Variants in SRD5A1 observed in about 807,000 individuals in gnomAD.
SRD5A1 encodes the protein steroid 5 alpha-reductase 1, also known as 3-oxo-5-alpha-steroid 4-dehydrogenase 1.
SRD5A1 carries 22 observed loss-of-function variants against 28.2 expected under a neutral mutation model. The ratio of observed to expected loss-of-function variants is 0.78; its 90% CI spans 0.56 to 1.12. The LOEUF (loss-of-function observed/expected upper bound fraction) is 1.12, where lower values mean the gene tolerates loss of function less well. Among genes scored for constraint, SRD5A1 ranks in the 50% most tolerant of loss-of-function variants. The probability of loss-of-function intolerance (pLI) is 0.00; values close to 1 mark genes in which losing one functional copy is unlikely to be tolerated. For missense variants in SRD5A1, 300 were observed against 346.7 expected (o/e 0.87, Z 1.07); for synonymous variants, 151 against 135.0 (o/e 1.12, Z -0.82).
intron 2 of SRD5A1, 151 bp from the exon 3 acceptor site, chr5:6,655,927 C>A: frequency 1.6e-6 from 1 of 622,488 alleles, no homozygotes; most frequent in Non-Finnish European, 2.8e-6. Flanking sequence ...GACAACAGTC[C>A]TTAATGGTTT....
chr5:6,642,949 A>G (rs1738407103), intron 1 of SRD5A1, among the ~76,000 whole-genome samples: 1 of 152,234 alleles, frequency 6.6e-6, no homozygotes, highest in South Asian at 2.1e-4. Context: ...TTAATCACAC[A>G]CAACAGATTT....
intron 3 of SRD5A1, among the ~76,000 whole-genome samples, chr5:6,659,314 C>A (rs967586044): frequency 1.3e-5 from 2 of 152,004 alleles, no homozygotes; most frequent in African/African-American, 4.8e-5. Context: ...GGGGTTTCAC[C>A]GTGTTAGCCA....
At chr5:6,656,214 T>C (rs756034735) in intron 3 of SRD5A1, 35 bp downstream of exon 3, 14 of 1,561,296 alleles carry the variant, frequency 9.0e-6, no homozygotes, top group Non-Finnish European at 1.2e-5. Flanking sequence ...CTGTGAAAGT[T>C]GCTTGCCATG....
chr5:6,638,277 C>T (rs1738257857), intron 1 of SRD5A1, among the ~76,000 whole-genome samples: 2 of 152,176 alleles, frequency 1.3e-5, no homozygotes, highest in Admixed American at 6.5e-5. Flanking sequence ...GGTGGAGGTG[C>T]AGTCCAGCCT....
At chr5:6,651,537 G>A (rs1738672135) in intron 1 of SRD5A1, among the ~76,000 whole-genome samples, 1 of 152,090 alleles carries the variant, frequency 6.6e-6, no homozygotes, top group Admixed American at 6.6e-5. Context: ...GCACATGCTT[G>A]TAGTCCCAGC....
At chr5:6,667,823 G>T (rs1739231426) in intron 4 of SRD5A1, among the ~76,000 whole-genome samples, 1 of 152,144 alleles carries the variant, frequency 6.6e-6, no homozygotes, top group African/African-American at 2.4e-5. Context: ...GGAGAAAACT[G>T]CTGGAGTCAC....
chr5:6,665,088 G>A (rs1216548490), intron 4 of SRD5A1, among the ~76,000 whole-genome samples: 1 of 152,266 alleles, frequency 6.6e-6, no homozygotes, highest in Non-Finnish European at 1.5e-5. Context: ...GTTGAGATGA[G>A]AAGGGGAAAC....
At chr5:6,663,865 A>C (rs144150702) in intron 4 of SRD5A1, among the ~76,000 whole-genome samples, 330 of 152,266 alleles carry the variant, frequency 2.2e-3, no homozygotes, top group African/African-American at 7.6e-3. Flanking sequence ...GTCTCAAAAA[A>C]AAAAGAAAAA....
chr5:6,633,869 G>C lies in SRD5A1; in HGVS notation c.293G>C (p.Arg98Pro). The C allele has an allele frequency of 1.3e-6, 2 of 1,596,866 alleles. No homozygotes were observed. Among genetic ancestry groups the C allele is most frequent in the Non-Finnish European group, 1.7e-6 (2 of 1,179,276 alleles). The change falls in exon 1 of 5, where the codon CGG (arginine) becomes CCG (proline). Residue 98 changes from arginine (R) to proline (P), a missense_variant and splice_region_variant. This residue lies in a region of SRD5A1 where 174 missense variants were observed against 160.9 expected (regional missense o/e 1.08). Transcript: ENST00000274192. ...ATGTTCCTCGTCCACTACGGGCATC[G>C]GTAACGTCCCCGGCCCCCGGCCCCC... ...LAMFLVHYGH[R>P]CLIYPFLMRG...
intron 3 of SRD5A1, among the ~76,000 whole-genome samples, chr5:6,659,329 G>T (rs1459823836): frequency 6.6e-6 from 1 of 151,920 alleles, no homozygotes; most frequent in Non-Finnish European, 1.5e-5. Flanking sequence ...TAGCCAGGAT[G>T]GTCTCGATCT....
chr5:6,664,061 C>T (rs1739090021), intron 4 of SRD5A1, among the ~76,000 whole-genome samples: 1 of 152,020 alleles, frequency 6.6e-6, no homozygotes, highest in Non-Finnish European at 1.5e-5. Context: ...GGCGCGTGTC[C>T]CTGACAATAA....
intron 2 of SRD5A1, among the ~76,000 whole-genome samples, chr5:6,655,631 A>T (rs532401934): frequency 1.3e-5 from 2 of 152,360 alleles, no homozygotes; most frequent in Non-Finnish European, 2.9e-5. Context: ...GGGGTGACGT[A>T]CAGCCAGTGG....
intron 4 of SRD5A1, 95 bp downstream of exon 4, chr5:6,663,061 GC>G: frequency 6.9e-7 from 1 of 1,450,546 alleles, no homozygotes; most frequent in Non-Finnish European, 9.4e-7. Context: ...AATTTAAATC[GC>G]TGAATTCCAG....
chr5:6,665,524 C>A (rs955830691), intron 4 of SRD5A1, among the ~76,000 whole-genome samples: 3 of 152,334 alleles, frequency 2.0e-5, no homozygotes, highest in Non-Finnish European at 2.9e-5. Flanking sequence ...AATATACATT[C>A]TACAATCTGA....
chr5:6,644,811 A>G (rs541661467), intron 1 of SRD5A1: 23 of 449,062 alleles, frequency 5.1e-5, no homozygotes, highest in African/African-American at 4.6e-4. Flanking sequence ...TCCACAGGAA[A>G]TGTTGGTATG....
intron 3 of SRD5A1, among the ~76,000 whole-genome samples, chr5:6,658,280 A>G (rs907732138): frequency 6.6e-6 from 1 of 152,186 alleles, no homozygotes; most frequent in Non-Finnish European, 1.5e-5. Context: ...AGCTGAGATC[A>G]TGCCACTGTA....
chr5:6,669,617 A>G lies in SRD5A1; in HGVS notation c.*1349A>G, dbSNP rs548859766. ...TTACATCGAAACATTCTTTCATCAT[A>G]TTTCCTGTTTTTATTTGGTTTTTTC... On this transcript the variant is annotated 3_prime_UTR_variant, in exon 5 of 5. Transcript: ENST00000274192. 6.6e-6 allele frequency: 1 copy of G among 152,190 alleles called. No individual in the cohort carries two copies. Among genetic ancestry groups the G allele is most frequent in the Non-Finnish European group, 1.5e-5 (1 of 67,974 alleles). 9.4% of individuals were successfully genotyped at this position (152,190 alleles called of 1,614,324 possible). A position where few individuals can be genotyped will look rare whatever the true frequency, so the allele number is the denominator to read the frequency against.
Position 6,633,748 on chromosome 5 carries a change from G to C in SRD5A1, c.172G>C (p.Val58Leu), listed in dbSNP as rs747770851. ...AGTGCCGGCGCGGGCCGCCTGGGTG[G>C]TGCAGGAGCTGCCCTCGCTGGCCCT... ...LRVPARAAWVVQELPSLALPL... is the reference protein window; with the variant it reads ...LRVPARAAWVLQELPSLALPL... Residue 58 changes from valine to leucine, a missense_variant, in exon 1 of 5, where the codon GTG becomes CTG. By Grantham distance (32) the Val-to-Leu change is conservative (BLOSUM62 1). Coordinates refer to ENST00000274192, the MANE Select transcript of SRD5A1 (RefSeq NM_001047.4). 1.4e-5 allele frequency: 23 copies of C among 1,596,638 alleles called. No homozygotes were observed. In the African/African-American group the frequency reaches 2.8e-4, roughly 19 times the overall value.
At chr5:6,666,797 G>GT (rs1387983535) in intron 4 of SRD5A1, among the ~76,000 whole-genome samples, 2 of 152,138 alleles carry the variant, frequency 1.3e-5, no homozygotes, top group East Asian at 3.9e-4. Flanking sequence ...GCCCAGCCTG[G>GT]TGGGGGGGCG....
Sources: allele counts gnomAD v4.1 joint callset (sites outside exome capture counted in the v4.1 genomes callset), GRCh38; gene constraint gnomAD v4.1.1; regional missense constraint gnomAD v4.1.1; transcripts MANE v1.5; gene names NCBI Gene and HGNC (gene_info 2026-07-23, HGNC 2026-07-21).